Variants in LPP observed in about 807,000 individuals in gnomAD.
LPP encodes the protein lipoma-preferred partner.
In LPP, 38 loss-of-function variants were observed where a neutral mutation model predicts 60.4. The ratio of observed to expected loss-of-function variants is 0.63; its 90% CI spans 0.49 to 0.83. LPP has a LOEUF of 0.83. Ranked by LOEUF, LPP falls within the 40% of genes least tolerant of loss-of-function variation. LPP has a pLI of 0.00. For synonymous variants in LPP, 328 were observed against 290.8 expected, an observed-to-expected ratio of 1.13 and a Z score of -1.30; for missense variants, 902 against 783.6, an observed-to-expected ratio of 1.15 and a Z score of -1.80.
chr3:188,643,476 T>A (rs1023465741), intron 7 of LPP, among the ~76,000 whole-genome samples: 1 of 152,188 alleles, frequency 6.6e-6, no homozygotes, highest in Non-Finnish European at 1.5e-5. Context: ...GCTGAAGACA[T>A]ATTATAAAAA....
chr3:188,450,329 T>G (rs1227285127), intron 4 of LPP, among the ~76,000 whole-genome samples: 2 of 152,192 alleles, frequency 1.3e-5, no homozygotes, highest in Non-Finnish European at 2.9e-5. Flanking sequence ...TGTCAGGACC[T>G]TTGCAGTATC....
rs1843232410 is a variant in LPP at position 188,609,591 on chromosome 3, A to G, written c.860A>G (p.Tyr287Cys). The G allele has an allele frequency of 3.7e-6, 6 of 1,614,160 alleles. No individual in the cohort carries two copies. Among genetic ancestry groups the G allele is most frequent in the South Asian group, 2.2e-5 (2 of 91,080 alleles). ...PPPGLQPEPG[Y>C]GYAPNQGRYY... ...CCAGGACTTCAGCCGGAGCCTGGGT[A>G]TGGGTATGCCCCCAACCAGGGACGC... The change falls in exon 7 of 12, where the codon TAT (tyrosine) becomes TGT (cysteine). Residue 287 changes from tyrosine (Y) to cysteine (C), a missense_variant. Transcript: ENST00000617246. This position sits in a 1 kb window ranked among gnomAD's most constrained non-coding sequence, Gnocchi z 6.9.
At chr3:188,189,309 A>G (rs1229970802) in intron 1 of LPP, among the ~76,000 whole-genome samples, 1 of 152,112 alleles carries the variant, frequency 6.6e-6, no homozygotes, top group Non-Finnish European at 1.5e-5. Flanking sequence ...GCTGGTCTCA[A>G]ACTCCTGAGC....
At chr3:188,404,420 T>G (rs1277422229) in intron 3 of LPP, among the ~76,000 whole-genome samples, 1 of 152,166 alleles carries the variant, frequency 6.6e-6, no homozygotes, top group Admixed American at 6.5e-5. Context: ...AATTTTTTAA[T>G]TTTTTGTAGA....
In LPP at chr3:188,883,732, CA is replaced by C. The variant is rs71169028; in HGVS notation, c.*9275del. On this transcript the variant is annotated 3_prime_UTR_variant, in exon 12 of 12. Transcript: ENST00000617246. ...TGGGCGACAGAACGAGACTCCGTCT[CA>C]AAAAAAAAAAAAAAAAAAAAAGGTT... is the stretch of plus-strand genomic sequence containing the variant. The C allele has an allele frequency of 0.018, 1,266 of 70,344 alleles. No individual in the cohort carries two copies. The highest frequency in any genetic ancestry group is 0.079 in the East Asian group (365 of 4,632). The allele number at this position is 70,344 out of a possible 1,614,324, so 4.4% of individuals were successfully genotyped here. A position where few individuals can be genotyped will look rare whatever the true frequency, so the allele number is the denominator to read the frequency against.
rs375941120 is a variant in LPP, at chr3:188,492,057, ACT to A, written c.306+7358_306+7359del. On this transcript the variant is annotated intron_variant, in intron 5 of 11. Coordinates refer to ENST00000617246, the MANE Select transcript of LPP (RefSeq NM_001375462.1). ...TTGAAATAATTTGTGACACATTTAT[ACT>A]CTCTGCAGTGAAAGATTGGTTAACT... Among the ~76,000 whole-genome samples the A allele has an allele frequency of 4.5e-3, 683 of 152,176 alleles. 10 individuals carry two copies. Among genetic ancestry groups the A allele is most frequent in the African/African-American group, 0.016 (648 of 41,528 alleles).
At chr3:188,638,880 G>A (rs532111042) in intron 7 of LPP, among the ~76,000 whole-genome samples, 1 of 151,996 alleles carries the variant, frequency 6.6e-6, no homozygotes, top group African/African-American at 2.4e-5. Flanking sequence ...ACAAACAAAT[G>A]GAAGAACATT....
intron 2 of LPP, among the ~76,000 whole-genome samples, chr3:188,333,776 G>A (rs577420754): frequency 3.3e-5 from 5 of 152,126 alleles, no homozygotes; most frequent in Admixed American, 6.5e-5. Flanking sequence ...TGTTTACGGG[G>A]TACAGTGTGA....
intron 2 of LPP, among the ~76,000 whole-genome samples, chr3:188,287,114 T>A (rs1320496532): frequency 6.6e-6 from 1 of 152,254 alleles, no homozygotes; most frequent in African/African-American, 2.4e-5. Context: ...TTGGCCAGCC[T>A]GGTCTCAAAC....
chr3:188,254,715 T>TATTGAA (rs140787688), intron 2 of LPP, among the ~76,000 whole-genome samples: 4,207 of 152,218 alleles, frequency 0.028, 196 homozygotes, highest in African/African-American at 0.096. Flanking sequence ...CCACACACAG[T>TATTGAA]GGATAGGATT....
intron 3 of LPP, among the ~76,000 whole-genome samples, chr3:188,398,656 TC>T (rs1306548596): frequency 6.6e-6 from 1 of 152,246 alleles, no homozygotes; most frequent in African/African-American, 2.4e-5. Context: ...CATTTGCTGT[TC>T]AACTAACAAT....
rs1728933132 is a variant in LPP at position 188,250,751 on chromosome 3, T to TTTCC, written c.-67+25227_-67+25228insCTTC. Among the ~76,000 whole-genome samples the TTTCC allele has an allele frequency of 2.6e-5, 3 of 116,186 alleles. No homozygotes were observed. The East Asian group carries it at 6.3e-4, about 24-fold the overall frequency. 76.2% of individuals were successfully genotyped at this position (116,186 alleles called of 152,430 possible). On this transcript the variant is annotated intron_variant, in intron 2 of 11. Coordinates refer to ENST00000617246, the MANE Select transcript of LPP (RefSeq NM_001375462.1). ...CTTTCTTTCTTTCTTTCTTTCTTTC[T>TTTCC]TTCTTTCTTTCTTTCTTTCTTTCTT...
At chr3:188,599,899 G>A (rs1478681690) in intron 6 of LPP, among the ~76,000 whole-genome samples, 1 of 151,644 alleles carries the variant, frequency 6.6e-6, no homozygotes, top group Non-Finnish European at 1.5e-5. Context: ...TTTTTATTTC[G>A]TGCATAATAT....
At chr3:188,390,425 C>G (rs1779419790) in intron 3 of LPP, among the ~76,000 whole-genome samples, 1 of 151,946 alleles carries the variant, frequency 6.6e-6, no homozygotes, top group Non-Finnish European at 1.5e-5. Flanking sequence ...TATCACTCTG[C>G]TATTTACAAA....
At chr3:188,589,562 G>A (rs569592582) in intron 6 of LPP, among the ~76,000 whole-genome samples, 40 of 152,262 alleles carry the variant, frequency 2.6e-4, no homozygotes, top group African/African-American at 8.9e-4. Flanking sequence ...TTGAAAACTC[G>A]AATGCCAGTA....
intron 8 of LPP, among the ~76,000 whole-genome samples, chr3:188,739,260 T>C (rs1723594019): frequency 6.6e-6 from 1 of 151,784 alleles, no homozygotes; most frequent in South Asian, 2.1e-4. Context: ...GCAATATTCA[T>C]TGGAAAAAGA....
At chr3:188,339,802 G>C (rs1762570250) in intron 2 of LPP, among the ~76,000 whole-genome samples, 1 of 152,206 alleles carries the variant, frequency 6.6e-6, no homozygotes, top group African/African-American at 2.4e-5. Context: ...CACTGGTACA[G>C]ACTTGCGTAT....
chr3:188,632,267 A>T (rs1847969116), intron 7 of LPP, among the ~76,000 whole-genome samples: 1 of 152,150 alleles, frequency 6.6e-6, no homozygotes, highest in African/African-American at 2.4e-5. Context: ...GGGTAACCTA[A>T]GTGGTTACAA....
intron 4 of LPP, among the ~76,000 whole-genome samples, chr3:188,469,646 C>A (rs1399397072): frequency 6.6e-6 from 1 of 152,070 alleles, no homozygotes; most frequent in Non-Finnish European, 1.5e-5. Flanking sequence ...GTTTATTTGG[C>A]TTCTAGGACT....
Sources: gnomAD v4.1 joint callset for allele counts (sites outside exome capture counted in the v4.1 genomes callset) on GRCh38, gnomAD v4.1.1 for gene constraint, Gnocchi (gnomAD v3.1) non-coding constraint, MANE v1.5 for transcripts, NCBI Gene and HGNC (gene_info 2026-07-23, HGNC 2026-07-21) for gene names.